CELSR2: variants seen among roughly 807,000 people sequenced by gnomAD.
CELSR2 encodes EGF-like protein 2.
CELSR2 carries 81 observed loss-of-function variants against 251.6 expected under a neutral mutation model. The ratio of observed to expected loss-of-function variants is 0.32; its 90% CI spans 0.27 to 0.39. The LOEUF is 0.39. Ranked by LOEUF, CELSR2 falls within the 10% of genes least tolerant of loss-of-function variation. The pLI is 1.00. For missense variants in CELSR2, 3,365 were observed against 3,947.7 expected (o/e 0.85, Z 3.96); for synonymous variants, 1,721 against 1,670.5 (o/e 1.03, Z -0.74).
At position 109,258,877 on chromosome 1, in the gene CELSR2, C is replaced by T. The variant is rs768473589; in HGVS notation, c.3756C>T (p.Ser1252=). The part of the protein sequence containing the change: ...RCVSVLRFDS[S]APFIASSSVL... ...TGTCGGTGCTGCGCTTCGACTCCTC[C>T]GCGCCCTTCATCGCCTCCTCCTCCG... The change falls in exon 2 of 34, where the codon TCC becomes TCT. Residue 1252 remains serine (S), a synonymous_variant. Transcript: ENST00000271332. 3.1e-6 allele frequency: 5 copies of T among 1,612,366 alleles called. No individual in the cohort carries two copies. The Admixed American group carries it at 5.0e-5, about 16-fold the overall frequency.
At position 109,264,888 on chromosome 1, in the gene CELSR2, A is replaced by T. The variant is rs752785879; in HGVS notation, c.5485A>T (p.Thr1829Ser). The change falls in exon 12 of 34, where the codon ACT (threonine) becomes TCT (serine). Residue 1829 changes from threonine (T) to serine (S), a missense_variant. Around this residue, in one of 5 missense-constraint regions of CELSR2, gnomAD observed 2,093 missense variants for 2,382.8 expected, o/e 0.88. Transcript: ENST00000271332. Reference protein sequence around the residue: ...CDPGYYGDNCTNVCDLNPCEH... With the variant: ...CDPGYYGDNCSNVCDLNPCEH... ...CCCAGGTTACTATGGTGACAACTGT[A>T]CTAATGTGTGTGACCTGAACCCGTG... is the stretch of plus-strand genomic sequence containing the variant. The T allele has an allele frequency of 6.2e-6, 10 of 1,614,182 alleles. No homozygotes were observed. The highest frequency in any genetic ancestry group is 1.7e-5 in the Admixed American group (1 of 60,032).
At position 109,265,714 on chromosome 1, in the gene CELSR2, C is replaced by T. The variant is rs780279661; in HGVS notation, c.5728-21C>T. 4.6e-5 allele frequency: 74 copies of T among 1,597,616 alleles called. 1 individual carries two copies. Among genetic ancestry groups the T allele is most frequent in the Non-Finnish European group, 6.0e-5 (70 of 1,167,690 alleles). The stretch of plus-strand genomic sequence containing the variant: ...GGGAAGAGAGCCTGGCCAGTGACAC[C>T]GTTCTTCCCTCCTTTCTCAGGAGAA... On this transcript the variant is annotated intron_variant, in intron 13 of 33. Transcript: ENST00000271332.
Position 109,261,330 on chromosome 1 carries a change from T to A in CELSR2, c.4181+66T>A. The A allele has an allele frequency of 6.6e-7, 1 of 1,509,374 alleles. No individual in the cohort carries two copies. Among genetic ancestry groups the A allele is most frequent in the Non-Finnish European group, 9.1e-7 (1 of 1,096,520 alleles). 93.5% of individuals were successfully genotyped at this position (1,509,374 alleles called of 1,614,324 possible). ...GGCATCTGAGGTGCCTCCTGTTCTGTGGTTGAAGTAAGAGGTCAGGCAGTG... is the reference window on the plus strand; with the variant it reads ...GGCATCTGAGGTGCCTCCTGTTCTGAGGTTGAAGTAAGAGGTCAGGCAGTG... On this transcript the variant is annotated intron_variant, in intron 3 of 33. Coordinates refer to ENST00000271332, the MANE Select transcript of CELSR2 (RefSeq NM_001408.3). This position sits in a 1 kb window ranked among gnomAD's most constrained non-coding sequence, Gnocchi z 4.8.
At position 109,267,534 on chromosome 1, in the gene CELSR2, C is replaced by A. The variant is rs375242076; in HGVS notation, c.6014-14C>A. 13 of 1,611,564 alleles carry A rather than the reference C, an allele frequency of 8.1e-6. No individual in the cohort carries two copies. Among genetic ancestry groups the A allele is most frequent in the Non-Finnish European group, 1.1e-5 (13 of 1,178,704 alleles). Reference sequence around the variant, plus strand: ...GTCTCCCTGAGGCCGGCCCTTTTGGCTTCCTTCCCCCAGGGACTGCTGTGC... The same window carrying A: ...GTCTCCCTGAGGCCGGCCCTTTTGGATTCCTTCCCCCAGGGACTGCTGTGC... On this transcript the variant is annotated splice_polypyrimidine_tract_variant and intron_variant, in intron 15 of 33. Transcript: ENST00000271332.
At chr1:109,264,389 C>CCA in intron 10 of CELSR2, 24 bp downstream of exon 10, 1 of 1,596,008 alleles carries the variant, frequency 6.3e-7, no homozygotes, top group Non-Finnish European at 8.6e-7. Context: ...CCTGCCCTCC[C>CCA]ATCCCCTCCC....
rs761111575 is a variant in CELSR2 at position 109,270,550 on chromosome 1, C to T, written c.7433C>T (p.Pro2478Leu). Residue 2478 changes from proline (P) to leucine (L), a missense_variant, in exon 24 of 34, where the codon CCC (proline) becomes CTC (leucine). Coordinates refer to ENST00000271332, the MANE Select transcript of CELSR2 (RefSeq NM_001408.3). ...GAGGTGCGCGATGTCAACACCGGCCCCATGCGCTTCTACTACATGCTGGGC... is the reference window on the plus strand; with the variant it reads ...GAGGTGCGCGATGTCAACACCGGCCTCATGCGCTTCTACTACATGCTGGGC... ...LTEVRDVNTG[P>L]MRFYYMLGWG... 1 of 1,614,178 alleles carries T rather than the reference C, an allele frequency of 6.2e-7. No individual in the cohort carries two copies. Among genetic ancestry groups the T allele is most frequent in the Non-Finnish European group, 8.5e-7 (1 of 1,180,022 alleles).
In CELSR2 at chr1:109,252,515, C is replaced by T; in HGVS notation, c.2436C>T (p.Ala812=). The T allele has an allele frequency of 1.2e-6, 2 of 1,613,860 alleles. No individual in the cohort carries two copies. Among genetic ancestry groups the T allele is most frequent in the Non-Finnish European group, 1.7e-6 (2 of 1,180,022 alleles). Residue 812 remains alanine, a synonymous_variant, in exon 1 of 34, where the codon GCC becomes GCT. Coordinates refer to ENST00000271332, the MANE Select transcript of CELSR2 (RefSeq NM_001408.3). The surrounding 1 kb of genome is among the most constrained non-coding windows in gnomAD (Gnocchi z 4.8). ...EILVNDVNDN[A]PQFLRDSYQG... ...TGGTGAACGACGTGAATGACAATGC[C>T]CCTCAGTTCCTGCGAGACTCCTACC...
In CELSR2 at chr1:109,270,564, T is replaced by A; in HGVS notation, c.7447T>A (p.Tyr2483Asn). The A allele has an allele frequency of 1.2e-6, 2 of 1,614,136 alleles. No homozygotes were observed. The highest frequency in any genetic ancestry group is 1.7e-6 in the Non-Finnish European group (2 of 1,180,012). The change falls in exon 24 of 34, where the codon TAC (tyrosine) becomes AAC (asparagine). Residue 2483 changes from tyrosine (Y) to asparagine (N), a missense_variant. Transcript: ENST00000271332. ...CAACACCGGCCCCATGCGCTTCTAC[T>A]ACATGCTGGGCTGGGGCGTGCCTGC... ...DVNTGPMRFY[Y>N]MLGWGVPAFI...
Position 109,268,984 on chromosome 1 carries a change from A to G in CELSR2, c.6607A>G (p.Ile2203Val), listed in dbSNP as rs1247830826. 6.2e-7 allele frequency: 1 copy of G among 1,613,054 alleles called. No homozygotes were observed. Among genetic ancestry groups the G allele is most frequent in the Non-Finnish European group, 8.5e-7 (1 of 1,179,420 alleles). Residue 2203 changes from isoleucine (I) to valine (V), a missense_variant, in exon 19 of 34, where the codon ATT becomes GTT. Physicochemically the swap from Ile to Val is conservative, Grantham distance 29 (BLOSUM62 3). Coordinates refer to ENST00000271332, the MANE Select transcript of CELSR2 (RefSeq NM_001408.3). ...GCCCCCGGACCTTGAGACAACAGTC[A>G]TTCTGCCTGAGTCTGTCTTCAGAGG... ...EQPPDLETTVILPESVFRETP... is the reference protein window; with the variant it reads ...EQPPDLETTVVLPESVFRETP...
chr1:109,262,025 G>A (rs1656034603), intron 5 of CELSR2, 129 bp downstream of exon 5: 1 of 1,103,794 alleles, frequency 9.1e-7, no homozygotes, highest in Non-Finnish European at 1.3e-6. Context: ...GAAGGGAGCG[G>A]CTGGGAAGGT....
chr1:109,253,579 C>CCCACCT (rs1190528735), intron 1 of CELSR2, among the ~76,000 whole-genome samples, 190 bp downstream of exon 1: 1 of 152,242 alleles, frequency 6.6e-6, no homozygotes, highest in African/African-American at 2.4e-5. Flanking sequence ...TGGTGCAGGC[C>CCCACCT]CCACCTTCTG....
chr1:109,266,156 G>T lies in CELSR2; in HGVS notation c.5963G>T (p.Arg1988Leu). 1 of 1,614,096 alleles carries T rather than the reference G, an allele frequency of 6.2e-7. No individual in the cohort carries two copies. Among genetic ancestry groups the T allele is most frequent in the Non-Finnish European group, 8.5e-7 (1 of 1,180,024 alleles). ...ATTGAGGCTGGGATCTGGTGGCCCCGTACCCGCTTCGGGCTGCCTGCTGCT... is the reference window on the plus strand; with the variant it reads ...ATTGAGGCTGGGATCTGGTGGCCCCTTACCCGCTTCGGGCTGCCTGCTGCT... ...RAIEAGIWWP[R>L]TRFGLPAAAP... Residue 1988 changes from arginine (R) to leucine (L), a missense_variant, in exon 15 of 34, where the codon CGT becomes CTT. This residue lies in a region of CELSR2 where 2,093 missense variants were observed against 2,382.8 expected (regional missense o/e 0.88). Transcript: ENST00000271332.
Position 109,273,000 on chromosome 1 carries a change from A to G in CELSR2, c.8311A>G (p.Arg2771Gly), listed in dbSNP as rs1160448107. Residue 2771 changes from arginine (R) to glycine (G), a missense_variant, in exon 31 of 34, where the codon AGA (arginine) becomes GGA (glycine). Arg to Gly is a moderately radical substitution (Grantham distance 125). Transcript: ENST00000271332. ...TAGCCTGCTGGGGCCTGGAGCAGAG[A>G]GACTGCCCCTGCACAGTACTCCCAA... ...WDSLLGPGAE[R>G]LPLHSTPKDG... 1.2e-6 allele frequency: 2 copies of G among 1,613,350 alleles called. No individual in the cohort carries two copies. Among genetic ancestry groups the G allele is most frequent in the Non-Finnish European group, 1.7e-6 (2 of 1,179,720 alleles).
rs749703552 is a variant in CELSR2 at position 109,263,217 on chromosome 1, C to T, written c.4784C>T (p.Ala1595Val). 39 of 1,593,684 alleles carry T rather than the reference C, an allele frequency of 2.4e-5. No homozygotes were observed. The highest frequency in any genetic ancestry group is 3.1e-5 in the Non-Finnish European group (36 of 1,163,638). Reference sequence around the variant, plus strand: ...GGCACTTGCGTGAACCAGTGGGACGCGTTCAGCTGCGAGTGCCCCCTGGGC... The same window carrying T: ...GGCACTTGCGTGAACCAGTGGGACGTGTTCAGCTGCGAGTGCCCCCTGGGC... ...NGGTCVNQWD[A>V]FSCECPLGFG... is the part of the protein sequence containing the mutation. The change falls in exon 8 of 34, where the codon GCG (alanine) becomes GTG (valine). Residue 1595 changes from alanine (A) to valine (V), a missense_variant. By Grantham distance (64) the Ala-to-Val change is moderately conservative. Around this residue, in one of 5 missense-constraint regions of CELSR2, gnomAD observed 2,093 missense variants for 2,382.8 expected, o/e 0.88. Transcript: ENST00000271332.
chr1:109,271,217 A>T lies in CELSR2; in HGVS notation c.7597A>T (p.Met2533Leu). Residue 2533 changes from methionine (M) to leucine (L), a missense_variant and splice_region_variant, in exon 26 of 34, where the codon ATG becomes TTG. By Grantham distance (15) the Met-to-Leu change is conservative (BLOSUM62 2). Transcript: ENST00000271332. Reference sequence around the variant, plus strand: ...CCCCATGCCCTCTGCCCCTGCCTAGATGAGTGTCTTCCTGTACATCCTGGC... The same window carrying T: ...CCCCATGCCCTCTGCCCCTGCCTAGTTGAGTGTCTTCCTGTACATCCTGGC... ...FAGPVAFAVSMSVFLYILAAR... is the reference protein window; with the variant it reads ...FAGPVAFAVSLSVFLYILAAR... 1.2e-6 allele frequency: 2 copies of T among 1,613,732 alleles called. No individual in the cohort carries two copies. Among genetic ancestry groups the T allele is most frequent in the Non-Finnish European group, 1.7e-6 (2 of 1,179,876 alleles).
intron 13 of CELSR2, 89 bp downstream of exon 13, chr1:109,265,400 C>A: frequency 7.2e-7 from 1 of 1,392,366 alleles, no homozygotes; most frequent in Non-Finnish European, 9.8e-7. Context: ...AGGGATGGGT[C>A]TTCCTGTAGA....
intron 2 of CELSR2, among the ~76,000 whole-genome samples, chr1:109,260,202 G>A (rs1655980257): frequency 6.6e-6 from 1 of 150,932 alleles, no homozygotes; most frequent in South Asian, 2.1e-4. Flanking sequence ...GGTTAGAGCA[G>A]GCGAACAACA....
chr1:109,252,438 G>T lies in CELSR2; in HGVS notation c.2359G>T (p.Ala787Ser), dbSNP rs1215706872. Residue 787 changes from alanine to serine, a missense_variant, in exon 1 of 34, where the codon GCT becomes TCT. Coordinates refer to ENST00000271332, the MANE Select transcript of CELSR2 (RefSeq NM_001408.3). This position sits in a 1 kb window ranked among gnomAD's most constrained non-coding sequence, Gnocchi z 4.8. ...DQVSYTLAIT[A>S]RDNGIPQKSD... is the part of the protein sequence containing the mutation. ...AGTGTCTTACACCCTGGCCATTACT[G>T]CTCGGGACAATGGCATTCCCCAGAA... The T allele has an allele frequency of 1.2e-6, 2 of 1,613,430 alleles. No individual in the cohort carries two copies. The highest frequency in any genetic ancestry group is 1.7e-6 in the Non-Finnish European group (2 of 1,180,040).
rs1346719628 is a variant in CELSR2 at position 109,250,504 on chromosome 1, G to A, written c.425G>A (p.Arg142Gln). The stretch of plus-strand genomic sequence containing the variant: ...GAGCACCCGTGCTTAAAGGCTCCAC[G>A]GCTCAGATGCCAGTCCTGCAAGCTG... The part of the protein sequence containing the change: ...PEEHPCLKAP[R>Q]LRCQSCKLAQ... Residue 142 changes from arginine (R) to glutamine (Q), a missense_variant, in exon 1 of 34, where the codon CGG (arginine) becomes CAG (glutamine). Arg to Gln is a conservative substitution (Grantham distance 43, BLOSUM62 1). Around this residue, in one of 5 missense-constraint regions of CELSR2, gnomAD observed 704 missense variants for 784.1 expected, o/e 0.90. Coordinates refer to ENST00000271332, the MANE Select transcript of CELSR2 (RefSeq NM_001408.3). This position sits in a 1 kb window ranked among gnomAD's most constrained non-coding sequence, Gnocchi z 4.4. 9 of 1,613,770 alleles carry A rather than the reference G, an allele frequency of 5.6e-6. No individual in the cohort carries two copies. Among genetic ancestry groups the A allele is most frequent in the East Asian group, 2.2e-5 (1 of 44,868 alleles).
Sources: gnomAD v4.1 joint callset for allele counts (sites outside exome capture counted in the v4.1 genomes callset) on GRCh38, gnomAD v4.1.1 for gene constraint, gnomAD v4.1.1 regional missense constraint, Gnocchi (gnomAD v3.1) non-coding constraint, MANE v1.5 for transcripts, NCBI Gene and HGNC (gene_info 2026-07-23, HGNC 2026-07-21) for gene names.